ERBB4: variants seen among roughly 807,000 people sequenced by gnomAD.
ERBB4 encodes erb-b2 receptor tyrosine kinase 4.
In ERBB4, 42 loss-of-function variants were observed where a neutral mutation model predicts 158.0. The ratio of observed to expected loss-of-function variants is 0.27; its 90% CI spans 0.21 to 0.34. The LOEUF (loss-of-function observed/expected upper bound fraction) is 0.34. Ranked by LOEUF, ERBB4 falls within the 10% of genes least tolerant of loss-of-function variation. The probability of loss-of-function intolerance (pLI) is 1.00; values close to 1 mark genes in which losing one functional copy is unlikely to be tolerated. For synonymous variants in ERBB4, 583 were observed against 558.7 expected (o/e 1.04, Z -0.61); for missense variants, 1,333 against 1,624.1 (o/e 0.82, Z 3.08).
chr2:212,386,358 T>C (rs933345756), intron 1 of ERBB4, among the ~76,000 whole-genome samples: 3 of 151,922 alleles, frequency 2.0e-5, no homozygotes, highest in African/African-American at 7.2e-5. Context: ...CTCTCATTCT[T>C]TCTCCAGGTT....
chr2:211,721,758 T>G (rs2074101940), intron 7 of ERBB4, among the ~76,000 whole-genome samples: 1 of 151,888 alleles, frequency 6.6e-6, no homozygotes, highest in African/African-American at 2.4e-5. Context: ...TAGAAGCAGA[T>G]CCTATTCATT....
At chr2:212,191,983 T>TTATA (rs751176243) in intron 1 of ERBB4, among the ~76,000 whole-genome samples, 13 of 114,614 alleles carry the variant, frequency 1.1e-4, no homozygotes, top group South Asian at 3.0e-4. Flanking sequence ...GTTATATATG[T>TTATA]TATATGTTAT....
At chr2:212,533,150 C>T (rs151116952) in intron 1 of ERBB4, among the ~76,000 whole-genome samples, 4 of 152,050 alleles carry the variant, frequency 2.6e-5, no homozygotes, top group Non-Finnish European at 5.9e-5. Context: ...AATACAAATG[C>T]CTTTGAGTTA....
intron 3 of ERBB4, among the ~76,000 whole-genome samples, chr2:211,849,100 A>C (rs1044522839): frequency 6.6e-6 from 1 of 152,056 alleles, no homozygotes; most frequent in African/African-American, 2.4e-5. Flanking sequence ...GTAACCAATA[A>C]ACCAATAAGT....
At chr2:212,208,328 AT>A (rs938078281) in intron 1 of ERBB4, among the ~76,000 whole-genome samples, 1 of 152,106 alleles carries the variant, frequency 6.6e-6, no homozygotes, top group African/African-American at 2.4e-5. Context: ...TGCCCATAAA[AT>A]TTCAACCCAT....
At chr2:212,185,514 C>T (rs1288136282) in intron 1 of ERBB4, among the ~76,000 whole-genome samples, 5 of 152,018 alleles carry the variant, frequency 3.3e-5, no homozygotes, top group East Asian at 3.9e-4. Context: ...TCTGTTAACA[C>T]GTAAGTACTT....
chr2:211,660,002 C>T (rs932734800), intron 15 of ERBB4, among the ~76,000 whole-genome samples: 2 of 152,066 alleles, frequency 1.3e-5, no homozygotes, highest in African/African-American at 4.8e-5. Flanking sequence ...GTGGCGGTGG[C>T]TTCTGCAGGA....
At chr2:211,684,605 C>G (rs917182912) in intron 12 of ERBB4, among the ~76,000 whole-genome samples, 2 of 152,156 alleles carry the variant, frequency 1.3e-5, no homozygotes, top group Non-Finnish European at 2.9e-5. Context: ...GACCCTGTTA[C>G]AAGATTATAG....
At chr2:211,744,525 C>T (rs2074903130) in intron 5 of ERBB4, among the ~76,000 whole-genome samples, 1 of 152,146 alleles carries the variant, frequency 6.6e-6, no homozygotes, top group Non-Finnish European at 1.5e-5. Flanking sequence ...TTGTTGTGAC[C>T]GGCTTCTTTG....
At chr2:211,753,223 T>C (rs963459744) in intron 4 of ERBB4, among the ~76,000 whole-genome samples, 4 of 152,134 alleles carry the variant, frequency 2.6e-5, no homozygotes, top group Non-Finnish European at 5.9e-5. Context: ...GTTTGATTCT[T>C]GTAGATAATT....
intron 1 of ERBB4, among the ~76,000 whole-genome samples, chr2:212,438,439 G>T (rs554758838): frequency 1.3e-5 from 2 of 151,364 alleles, no homozygotes; most frequent in South Asian, 4.2e-4. Flanking sequence ...GCTCCTTGAC[G>T]GTAAAGCATA....
At chr2:212,407,145 A>G (rs1379228591) in intron 1 of ERBB4, among the ~76,000 whole-genome samples, 1 of 150,948 alleles carries the variant, frequency 6.6e-6, no homozygotes, top group East Asian at 1.9e-4. Context: ...CATAACATAT[A>G]TTATATATAA....
At position 211,705,360 on chromosome 2, in the gene ERBB4, G is replaced by A. The variant is rs762730624; in HGVS notation, c.1156C>T (p.Pro386Ser). Residue 386 changes from proline (P) to serine (S), a missense_variant, in exon 10 of 28, where the codon CCA becomes TCA. By Grantham distance (74) the Pro-to-Ser change is moderately conservative (BLOSUM62 -1). Coordinates refer to ENST00000342788, the MANE Select transcript of ERBB4 (RefSeq NM_005235.3). ...DPYNAIEAID[P>S]EKLNVFRTVR... ...GTCCGAAAGACGTTCAGTTTCTCTGGGTCTATGGCTTCAATTGCATTGTAA... is the reference window on the plus strand; with the variant it reads ...GTCCGAAAGACGTTCAGTTTCTCTGAGTCTATGGCTTCAATTGCATTGTAA... 7 of 1,612,786 alleles carry A rather than the reference G, an allele frequency of 4.3e-6. No homozygotes were observed. The highest frequency in any genetic ancestry group is 5.1e-6 in the Non-Finnish European group (6 of 1,179,072).
At chr2:212,338,506 T>G (rs576933678) in intron 1 of ERBB4, among the ~76,000 whole-genome samples, 1 of 152,154 alleles carries the variant, frequency 6.6e-6, no homozygotes, top group Non-Finnish European at 1.5e-5. Context: ...ATAAAAACAC[T>G]TCACCAGATA....
intron 5 of ERBB4, among the ~76,000 whole-genome samples, chr2:211,725,693 T>TCA (rs1444096768): frequency 6.6e-6 from 1 of 152,132 alleles, no homozygotes; most frequent in Non-Finnish European, 1.5e-5. Flanking sequence ...TGAAGTCAAT[T>TCA]CACACAATGT....
intron 22 of ERBB4, 92 bp from the exon 23 acceptor site, chr2:211,424,393 A>G: frequency 2.4e-6 from 2 of 850,574 alleles, no homozygotes; most frequent in South Asian, 2.9e-5. Context: ...TACTCCTTAC[A>G]GGTCAATCCA....
At chr2:211,962,033 G>A (rs1373236143) in intron 2 of ERBB4, among the ~76,000 whole-genome samples, 1 of 152,082 alleles carries the variant, frequency 6.6e-6, no homozygotes, top group East Asian at 1.9e-4. Context: ...AGGGCACATA[G>A]TGGGGTTTCT....
chr2:212,268,039 A>C (rs2085212558), intron 1 of ERBB4, among the ~76,000 whole-genome samples: 1 of 151,890 alleles, frequency 6.6e-6, no homozygotes, highest in South Asian at 2.1e-4. Flanking sequence ...GAGAAGACTT[A>C]AACATCACCA....
chr2:211,392,430 C>T (rs1285814688), intron 25 of ERBB4, among the ~76,000 whole-genome samples: 1 of 152,020 alleles, frequency 6.6e-6, no homozygotes, highest in Non-Finnish European at 1.5e-5. Context: ...CAGCTGCTGG[C>T]TGAATTTTAT....
Sources: allele counts gnomAD v4.1 joint callset (sites outside exome capture counted in the v4.1 genomes callset), GRCh38; gene constraint gnomAD v4.1.1; transcripts MANE v1.5; gene names NCBI Gene and HGNC (gene_info 2026-07-23, HGNC 2026-07-21).